TMEM163: variants seen among roughly 807,000 people sequenced by gnomAD.
TMEM163 encodes the protein transmembrane protein 163.
Under a neutral mutation model 29.3 loss-of-function variants are expected in TMEM163, and 17 were observed. The ratio of observed to expected loss-of-function variants is 0.58; its 90% CI spans 0.40 to 0.87. TMEM163 has a LOEUF of 0.87. Ranked by LOEUF, TMEM163 falls within the 40% of genes least tolerant of loss-of-function variation. The probability of loss-of-function intolerance (pLI) is 0.00; values close to 1 mark genes in which losing one functional copy is unlikely to be tolerated. For synonymous variants in TMEM163, 157 were observed against 160.6 expected, an observed-to-expected ratio of 0.98 and a Z score of 0.17; for missense variants, 303 against 381.5, an observed-to-expected ratio of 0.79 and a Z score of 1.71.
chr2:134,578,854 G>A (rs777216421), intron 2 of TMEM163, among the ~76,000 whole-genome samples: 5 of 152,078 alleles, frequency 3.3e-5, no homozygotes, highest in African/African-American at 9.7e-5. Flanking sequence ...TTTTCAGAAG[G>A]GAGGTAAAAA....
At chr2:134,538,735 A>C (rs1456477189) in intron 4 of TMEM163, among the ~76,000 whole-genome samples, 2 of 152,230 alleles carry the variant, frequency 1.3e-5, no homozygotes, top group African/African-American at 4.8e-5. Flanking sequence ...ACAAAGGACC[A>C]AGAGTACCTG....
intron 2 of TMEM163, among the ~76,000 whole-genome samples, chr2:134,600,723 C>T (rs1331220427): frequency 6.6e-6 from 1 of 152,142 alleles, no homozygotes; most frequent in Non-Finnish European, 1.5e-5. Flanking sequence ...CTAAGTTGCT[C>T]CTTCTTCAGG....
At chr2:134,642,700 A>G (rs1330833036) in intron 2 of TMEM163, among the ~76,000 whole-genome samples, 1 of 152,228 alleles carries the variant, frequency 6.6e-6, no homozygotes, top group Non-Finnish European at 1.5e-5. Context: ...GCAATCAACA[A>G]TGGAAAGATG....
chr2:134,511,004 A>G (rs1025695797), intron 4 of TMEM163, among the ~76,000 whole-genome samples: 5 of 152,178 alleles, frequency 3.3e-5, no homozygotes, highest in Admixed American at 2.6e-4. Context: ...TCAGCAAAAC[A>G]CTGATTCTTG....
At chr2:134,548,770 G>A (rs572949466) in intron 4 of TMEM163, among the ~76,000 whole-genome samples, 8 of 152,212 alleles carry the variant, frequency 5.3e-5, no homozygotes, top group East Asian at 1.9e-4. Flanking sequence ...TTTATGTTTC[G>A]TATACACCTT....
intron 4 of TMEM163, among the ~76,000 whole-genome samples, chr2:134,523,151 C>A (rs926269662): frequency 6.6e-6 from 1 of 152,182 alleles, no homozygotes; most frequent in African/African-American, 2.4e-5. Flanking sequence ...CATGAACATG[C>A]TTTGTGTAAA....
intron 2 of TMEM163, among the ~76,000 whole-genome samples, chr2:134,650,721 G>A (rs973288167): frequency 1.8e-5 from 2 of 112,370 alleles, no homozygotes; most frequent in African/African-American, 8.1e-5. Flanking sequence ...AGTCCCCAGA[G>A]TGTGATATTC....
chr2:134,568,251 G>T (rs187111023), intron 2 of TMEM163, among the ~76,000 whole-genome samples: 2 of 152,292 alleles, frequency 1.3e-5, no homozygotes, highest in East Asian at 3.9e-4. Flanking sequence ...AAGGCAGGGC[G>T]TGGTGGCTCA....
intron 2 of TMEM163, among the ~76,000 whole-genome samples, chr2:134,603,490 C>T (rs777257676): frequency 3.3e-5 from 5 of 152,142 alleles, no homozygotes; most frequent in African/African-American, 7.2e-5. Context: ...GTCCTGGGCA[C>T]GTTGAGATAA....
intron 2 of TMEM163, among the ~76,000 whole-genome samples, chr2:134,648,142 AG>A (rs1683377736): frequency 6.6e-6 from 1 of 152,164 alleles, no homozygotes; most frequent in Non-Finnish European, 1.5e-5. Context: ...CTCAGCAGGA[AG>A]GAGAGCTGAA....
chr2:134,484,806 G>A (rs1679275208), intron 5 of TMEM163, among the ~76,000 whole-genome samples: 1 of 152,160 alleles, frequency 6.6e-6, no homozygotes, highest in African/African-American at 2.4e-5. Context: ...GTCAACCAGA[G>A]TAGGAAGTCC....
intron 5 of TMEM163, among the ~76,000 whole-genome samples, chr2:134,484,488 C>T (rs765233660): frequency 1.3e-5 from 2 of 152,082 alleles, no homozygotes; most frequent in Admixed American, 1.3e-4. Flanking sequence ...CTGAGCAACA[C>T]AGCAAGACCC....
chr2:134,612,711 G>T (rs534404041), intron 2 of TMEM163, among the ~76,000 whole-genome samples: 3 of 152,246 alleles, frequency 2.0e-5, no homozygotes, highest in Admixed American at 2.0e-4. Flanking sequence ...AGATGTTGCA[G>T]AATTCGTCCT....
rs561476930 is a variant in TMEM163, at chr2:134,458,796, T to C, written c.668-623A>G. On this transcript the variant is annotated intron_variant, in intron 6 of 7. Transcript: ENST00000281924. ...CTCCTCTAAGTAACCTGAGGTTTTT[T>C]CCTTTCCCTCCAGAAGAGAAATGTA... 3 of 152,564 alleles carry C rather than the reference T, an allele frequency of 2.0e-5. No individual in the cohort carries two copies. The East Asian group carries it at 5.8e-4, about 29-fold the overall frequency. 9.5% of individuals were successfully genotyped at this position (152,564 alleles called of 1,614,324 possible). A position where few individuals can be genotyped will look rare whatever the true frequency, so the allele number is the denominator to read the frequency against.
At chr2:134,521,886 C>T (rs553776560) in intron 4 of TMEM163, among the ~76,000 whole-genome samples, 1 of 152,180 alleles carries the variant, frequency 6.6e-6, no homozygotes, top group African/African-American at 2.4e-5. Flanking sequence ...ACTCCTCATA[C>T]CTGTCTGAGA....
At chr2:134,684,136 G>C (rs1019738229) in intron 2 of TMEM163, among the ~76,000 whole-genome samples, 2 of 152,088 alleles carry the variant, frequency 1.3e-5, no homozygotes, top group Middle Eastern at 3.2e-3. Context: ...CTATAACAAG[G>C]TTTAGTGACT....
chr2:134,501,534 G>A (rs1285982426), intron 5 of TMEM163, among the ~76,000 whole-genome samples: 1 of 152,170 alleles, frequency 6.6e-6, no homozygotes, highest in Non-Finnish European at 1.5e-5. Context: ...TCTCAGAGTG[G>A]AGGCATATTT....
chr2:134,656,156 G>T (rs1010324568), intron 2 of TMEM163, among the ~76,000 whole-genome samples: 3 of 144,788 alleles, frequency 2.1e-5, no homozygotes, highest in Admixed American at 1.4e-4. Context: ...CCTCGCTGCC[G>T]CCTTGCAGTT....
intron 2 of TMEM163, among the ~76,000 whole-genome samples, chr2:134,664,435 A>G (rs965247584): frequency 2.0e-5 from 3 of 152,226 alleles, no homozygotes; most frequent in Non-Finnish European, 2.9e-5. Context: ...TTGGGTATGA[A>G]AGCCTGAATA....
Sources: gnomAD v4.1 joint callset for allele counts (sites outside exome capture counted in the v4.1 genomes callset) on GRCh38, gnomAD v4.1.1 for gene constraint, MANE v1.5 for transcripts, NCBI Gene and HGNC (gene_info 2026-07-23, HGNC 2026-07-21) for gene names.